CRADD: variants seen among roughly 807,000 people sequenced by gnomAD.
CRADD encodes the protein death domain-containing protein CRADD.
Under a neutral mutation model 15.5 loss-of-function variants are expected in CRADD, and 9 were observed. The observed-to-expected ratio is 0.58, with a 90% confidence interval of 0.35 to 1.01. The LOEUF (loss-of-function observed/expected upper bound fraction) is 1.01, where lower values mean the gene tolerates loss of function less well. CRADD is among the 50% of genes least tolerant of loss of function. The pLI is 0.02. For missense variants in CRADD, 227 were observed against 250.3 expected (o/e 0.91, Z 0.63); for synonymous variants, 118 against 107.6 (o/e 1.10, Z -0.60).
intron 2 of CRADD, among the ~76,000 whole-genome samples, chr12:93,724,556 G>A (rs769098592): frequency 2.0e-5 from 3 of 152,050 alleles, no homozygotes; most frequent in Non-Finnish European, 4.4e-5. Flanking sequence ...ATGGAGTGGC[G>A]ACTTTTCAGC....
At chr12:93,702,757 C>A (rs1214340463) in intron 2 of CRADD, among the ~76,000 whole-genome samples, 1 of 152,014 alleles carries the variant, frequency 6.6e-6, no homozygotes, top group South Asian at 2.1e-4. Flanking sequence ...TCCCAGCCCC[C>A]ACCAAAACAC....
At chr12:93,836,237 G>A (rs1484551861) in intron 2 of CRADD, 1 of 152,204 alleles carries the variant, frequency 6.6e-6, no homozygotes, top group African/African-American at 2.4e-5. Context: ...TAGATTTGGG[G>A]ATAGTAGAGT....
chr12:93,866,612 T>G (rs139658483), intron 2 of CRADD, among the ~76,000 whole-genome samples: 5 of 152,202 alleles, frequency 3.3e-5, no homozygotes, highest in Admixed American at 6.5e-5. Context: ...TCATTGGCTG[T>G]TCATTTATAT....
At chr12:93,717,398 C>T (rs1016098734) in intron 2 of CRADD, among the ~76,000 whole-genome samples, 6 of 152,158 alleles carry the variant, frequency 3.9e-5, no homozygotes, top group African/African-American at 1.4e-4. Context: ...TCAATTATTT[C>T]TTTCATGGAT....
chr12:93,732,865 T>C (rs1956490404), intron 2 of CRADD, among the ~76,000 whole-genome samples: 1 of 152,216 alleles, frequency 6.6e-6, no homozygotes, highest in African/African-American at 2.4e-5. Flanking sequence ...TTTTCATAAG[T>C]AGTCCAATTT....
intron 2 of CRADD, among the ~76,000 whole-genome samples, chr12:93,847,498 G>GAAAA (rs11378030): frequency 3.8e-4 from 24 of 62,900 alleles, no homozygotes; most frequent in South Asian, 8.7e-4. Context: ...AGCATTGCTT[G>GAAAA]AAAAAAAAAA....
intron 2 of CRADD, among the ~76,000 whole-genome samples, chr12:93,817,354 G>C (rs1329151161): frequency 6.6e-6 from 1 of 152,326 alleles, no homozygotes; most frequent in South Asian, 2.1e-4. Context: ...GACAGGGAAC[G>C]TGGAGCTTAA....
intron 2 of CRADD, among the ~76,000 whole-genome samples, chr12:93,792,698 A>G (rs2136986975): frequency 6.6e-6 from 1 of 152,328 alleles, no homozygotes; most frequent in East Asian, 1.9e-4. Context: ...ATTTAAATAT[A>G]TGAAGTAGAT....
chr12:93,821,784 T>A (rs1003800552), intron 2 of CRADD, among the ~76,000 whole-genome samples: 5 of 151,760 alleles, frequency 3.3e-5, no homozygotes, highest in African/African-American at 1.2e-4. Flanking sequence ...CGGTAGGGAG[T>A]CAGTTGGGTT....
chr12:93,827,928 C>G lies in CRADD; in HGVS notation c.299-22042C>G, dbSNP rs534677460. Among the ~76,000 whole-genome samples, 16 of 152,282 alleles carry G rather than the reference C, an allele frequency of 1.1e-4. No homozygotes were observed. In the South Asian group the frequency reaches 1.9e-3, roughly 18 times the overall value. On this transcript the variant is annotated intron_variant, in intron 2 of 2. Transcript: ENST00000332896. ...TTCCCTCCTGGCAACCACTATTCTC[C>G]GTTTCTATGAGTTTGACTATATTAG... is the stretch of plus-strand genomic sequence containing the variant.
chr12:93,770,001 C>T (rs565778096), intron 2 of CRADD, among the ~76,000 whole-genome samples: 7 of 152,130 alleles, frequency 4.6e-5, no homozygotes, highest in African/African-American at 1.4e-4. Flanking sequence ...TGTTGTCCAA[C>T]TTACCAATCT....
At position 93,678,915 on chromosome 12, in the gene CRADD, A is replaced by T. The variant is rs1323294916; in HGVS notation, c.141A>T (p.Gln47His). Reference sequence around the variant, plus strand: ...ACCATATTCAAGAAATCAATGCTCAAACCACAGGCCTCCGGAAAACAATGC... The same window carrying T: ...ACCATATTCAAGAAATCAATGCTCATACCACAGGCCTCCGGAAAACAATGC... ...TENHIQEINA[Q>H]TTGLRKTMLL... Residue 47 changes from glutamine (Q) to histidine (H), a missense_variant, in exon 2 of 3, where the codon CAA (glutamine) becomes CAT (histidine). Coordinates refer to ENST00000332896, the MANE Select transcript of CRADD (RefSeq NM_003805.5). 1.9e-6 allele frequency: 3 copies of T among 1,614,178 alleles called. No homozygotes were observed. Among genetic ancestry groups the T allele is most frequent in the Non-Finnish European group, 2.5e-6 (3 of 1,180,020 alleles).
Position 93,848,419 on chromosome 12 carries a change from T to G in CRADD, c.299-1551T>G, listed in dbSNP as rs144016518. On this transcript the variant is annotated intron_variant, in intron 2 of 2. Coordinates refer to ENST00000332896, the MANE Select transcript of CRADD (RefSeq NM_003805.5). ...GTGCCTTTGCCTTCTTATTGAATCA[T>G]AAATCAAAACACAATAGTGGACTGA... is the stretch of plus-strand genomic sequence containing the variant. Among the ~76,000 whole-genome samples, 701 of 152,348 alleles carry G rather than the reference T, an allele frequency of 4.6e-3. 3 individuals carry two copies. The highest frequency in any genetic ancestry group is 7.4e-3 in the Non-Finnish European group (500 of 68,026).
At chr12:93,856,100 C>T (rs1306000736) in intron 2 of CRADD, among the ~76,000 whole-genome samples, 1 of 152,350 alleles carries the variant, frequency 6.6e-6, no homozygotes, top group East Asian at 1.9e-4. Context: ...GCCACTGCGC[C>T]CGGCCCAGTT....
chr12:93,750,091 G>C (rs1349680374), intron 2 of CRADD, among the ~76,000 whole-genome samples: 3 of 152,182 alleles, frequency 2.0e-5, no homozygotes, highest in Non-Finnish European at 4.4e-5. Flanking sequence ...AGAACCTAAA[G>C]CCAATGTTTG....
chr12:93,677,848 CG>C (rs1428872979), intron 1 of CRADD: 1 of 151,822 alleles, frequency 6.6e-6, no homozygotes, highest in Non-Finnish European at 1.5e-5. Context: ...AGTGTGGGAT[CG>C]GGTGTCGCCT....
intron 2 of CRADD, among the ~76,000 whole-genome samples, chr12:93,840,505 A>G (rs1312352079): frequency 6.6e-6 from 1 of 152,154 alleles, no homozygotes; most frequent in Non-Finnish European, 1.5e-5. Context: ...GTCTGAAAAT[A>G]ATGTTAGTTT....
chr12:93,855,145 A>C (rs990477673), downstream of CRADD, among the ~76,000 whole-genome samples: 1 of 152,138 alleles, frequency 6.6e-6, no homozygotes, highest in African/African-American at 2.4e-5. Context: ...CAGCGAGCCA[A>C]GATCGCGCCA....
chr12:93,834,243 G>T (rs1266440267), intron 2 of CRADD, among the ~76,000 whole-genome samples: 1 of 152,142 alleles, frequency 6.6e-6, no homozygotes, highest in Non-Finnish European at 1.5e-5. Flanking sequence ...TTATCCTGAT[G>T]CTATCATTTT....
Sources: allele counts gnomAD v4.1 joint callset (sites outside exome capture counted in the v4.1 genomes callset), GRCh38; gene constraint gnomAD v4.1.1; transcripts MANE v1.5; gene names NCBI Gene and HGNC (gene_info 2026-07-23, HGNC 2026-07-21).